The following GALK2 variants were observed in gnomAD, a reference collection of about 807,000 sequenced individuals.
GALK2 encodes galactokinase 2, also known as N-acetylgalactosamine kinase.
A neutral mutation model predicts 52.4 loss-of-function variants in GALK2; 36 were observed. The ratio of observed to expected loss-of-function variants is 0.69; its 90% CI spans 0.53 to 0.91. The LOEUF (loss-of-function observed/expected upper bound fraction) is 0.91. Among genes scored for constraint, GALK2 ranks in the 40% least tolerant of loss-of-function variants. The pLI is 0.00. For missense variants in GALK2, 579 were observed against 559.1 expected (o/e 1.04, Z -0.36); for synonymous variants, 176 against 199.1 (o/e 0.88, Z 0.98).
intron 7 of GALK2, among the ~76,000 whole-genome samples, chr15:49,289,342 T>C (rs547543008): frequency 1.3e-5 from 2 of 152,280 alleles, no homozygotes; most frequent in East Asian, 1.9e-4. Context: ...GTGAAAAGCA[T>C]AGTGCTGCCA....
chr15:49,249,350 T>C (rs1385403633), intron 5 of GALK2, among the ~76,000 whole-genome samples: 1 of 152,214 alleles, frequency 6.6e-6, no homozygotes, highest in Non-Finnish European at 1.5e-5. Context: ...TTGTCCCCTC[T>C]GTGGCCAATT....
chr15:49,183,569 C>T (rs745552756), intron 1 of GALK2, among the ~76,000 whole-genome samples: 4 of 152,100 alleles, frequency 2.6e-5, no homozygotes, highest in Admixed American at 6.5e-5. Flanking sequence ...TTTGGCTGGG[C>T]GTGGTGGCTC....
chr15:49,219,785 A>G (rs1404238834), intron 3 of GALK2, among the ~76,000 whole-genome samples: 1 of 152,174 alleles, frequency 6.6e-6, no homozygotes, highest in African/African-American at 2.4e-5. Flanking sequence ...CGCTCCAGCC[A>G]GGGTGACAGA....
intron 3 of GALK2, among the ~76,000 whole-genome samples, 185 bp downstream of exon 3, chr15:49,217,498 A>G (rs567551107): frequency 6.6e-6 from 1 of 152,330 alleles, no homozygotes; most frequent in Non-Finnish European, 1.5e-5. Flanking sequence ...CATTTAAGGA[A>G]TATTTATCAA....
At chr15:49,180,594 TC>T (rs2141217698) in intron 1 of GALK2, among the ~76,000 whole-genome samples, 1 of 152,350 alleles carries the variant, frequency 6.6e-6, no homozygotes, top group South Asian at 2.1e-4. Flanking sequence ...TCTGTTCACA[TC>T]CATTGCCTGT....
Position 49,358,766 on chromosome 15 carries a change from G to A in GALK2, c.427-8725G>A, listed in dbSNP as rs536869489. On this transcript the variant is annotated intron_variant, in intron 3 of 3. Coordinates refer to the GALK2 transcript ENST00000558399. ...AAAGTTCATATGGAACCAAAAAAGA[G>A]CCTGCATCGCCAAGTCAAACTTAAG... Among the ~76,000 whole-genome samples the A allele has an allele frequency of 2.0e-5, 3 of 152,214 alleles. No individual in the cohort carries two copies. The East Asian group carries it at 5.8e-4, about 29-fold the overall frequency.
At chr15:49,363,054 C>T (rs2044526834) in intron 3 of GALK2, among the ~76,000 whole-genome samples, 1 of 152,088 alleles carries the variant, frequency 6.6e-6, no homozygotes, top group South Asian at 2.1e-4. Context: ...ATTTGGGTAA[C>T]ATGATTCCTC....
At chr15:49,205,457 G>C (rs1049626323) in intron 2 of GALK2, among the ~76,000 whole-genome samples, 2 of 152,164 alleles carry the variant, frequency 1.3e-5, no homozygotes, top group African/African-American at 4.8e-5. Flanking sequence ...TTGTGGTTTT[G>C]ATTTGCATTT....
At chr15:49,322,367 T>G (rs1251952133) in intron 9 of GALK2, among the ~76,000 whole-genome samples, 3 of 152,254 alleles carry the variant, frequency 2.0e-5, no homozygotes, top group Non-Finnish European at 4.4e-5. Context: ...TTTTCCATAT[T>G]GAAAGATTAT....
intron 9 of GALK2, among the ~76,000 whole-genome samples, chr15:49,321,924 AT>A (rs1206635748): frequency 1.3e-5 from 2 of 152,182 alleles, no homozygotes; most frequent in African/African-American, 2.4e-5. Flanking sequence ...CAGGAACGTA[AT>A]GTGTAGAGTA....
intron 3 of GALK2, chr15:49,366,518 A>G (rs1596597189): frequency 6.9e-6 from 10 of 1,440,986 alleles, no homozygotes; most frequent in Non-Finnish European, 8.8e-6. Flanking sequence ...TGCATTTTCT[A>G]GGGTACTTGG....
intron 1 of GALK2, among the ~76,000 whole-genome samples, chr15:49,199,780 C>CT (rs2087578951): frequency 6.6e-6 from 1 of 152,062 alleles, no homozygotes; most frequent in Non-Finnish European, 1.5e-5. Context: ...GGAGCAGAAA[C>CT]TAAGAGGTTC....
chr15:49,214,391 C>T (rs1471048761), intron 2 of GALK2, among the ~76,000 whole-genome samples: 3 of 141,200 alleles, frequency 2.1e-5, no homozygotes, highest in African/African-American at 2.7e-5. Flanking sequence ...GATACAGTGG[C>T]GTGATCTCGG....
intron 1 of GALK2, chr15:49,193,894 A>AT (rs2086975093): frequency 6.6e-6 from 1 of 151,812 alleles, no homozygotes; most frequent in African/African-American, 2.4e-5. Context: ...CGCCCGGCTA[A>AT]TTTTTTGTAT....
intron 3 of GALK2, chr15:49,225,295 C>T (rs1701148563): frequency 2.2e-6 from 1 of 453,636 alleles, no homozygotes; most frequent in Admixed American, 2.4e-5. Flanking sequence ...AGCAGGGTTC[C>T]CCAATCCCTG....
intron 5 of GALK2, among the ~76,000 whole-genome samples, chr15:49,268,906 A>G (rs1227233174): frequency 6.6e-6 from 1 of 152,158 alleles, no homozygotes; most frequent in African/African-American, 2.4e-5. Context: ...AAACTAAATG[A>G]CATTTTTATA....
At chr15:49,292,249 C>T (rs1248692031) in intron 7 of GALK2, 78 bp from the exon 8 acceptor site, 11 of 1,298,458 alleles carry the variant, frequency 8.5e-6, no homozygotes, top group East Asian at 2.3e-5. Context: ...AACAGCTTAA[C>T]GTTGAATCTG....
intron 5 of GALK2, among the ~76,000 whole-genome samples, chr15:49,245,332 T>C (rs2091294565): frequency 6.6e-6 from 1 of 152,158 alleles, no homozygotes; most frequent in Admixed American, 6.6e-5. Context: ...GATGACAGAG[T>C]GAGCTAGGGG....
chr15:49,180,737 A>G (rs1308036448), intron 1 of GALK2, among the ~76,000 whole-genome samples: 1 of 152,032 alleles, frequency 6.6e-6, no homozygotes, highest in African/African-American at 2.4e-5. Flanking sequence ...TGAATGCTGT[A>G]TGCTTGGGCC....
Sources: gnomAD v4.1 joint callset for allele counts (sites outside exome capture counted in the v4.1 genomes callset) on GRCh38, gnomAD v4.1.1 for gene constraint, MANE v1.5 for transcripts, NCBI Gene and HGNC (gene_info 2026-07-23, HGNC 2026-07-21) for gene names.